Variants in STK33 observed in about 807,000 individuals in gnomAD.
The protein encoded by STK33 is serine/threonine kinase 33.
STK33 carries 52 observed loss-of-function variants against 58.0 expected under a neutral mutation model. That is an observed-to-expected ratio of 0.90 (90% CI 0.72 to 1.13). The LOEUF (loss-of-function observed/expected upper bound fraction) is 1.13. Ranked by LOEUF, STK33 falls within the 50% of genes most tolerant of loss-of-function variation. The probability of loss-of-function intolerance (pLI) is 0.00; values close to 1 mark genes in which losing one functional copy is unlikely to be tolerated. For missense variants in STK33, 630 were observed against 604.2 expected, an observed-to-expected ratio of 1.04 and a Z score of -0.45; for synonymous variants, 215 against 200.1, an observed-to-expected ratio of 1.07 and a Z score of -0.63.
At chr11:8,377,940 A>C in the STK33 span, among the ~76,000 whole-genome samples, 1 of 152,244 alleles carries the variant, frequency 6.6e-6, no homozygotes, top group African/African-American at 2.4e-5. Context: ...AAAACTGCTG[A>C]AAGAAACCAT....
chr11:8,429,063 A>G (rs1247842779), intron 14 of STK33, among the ~76,000 whole-genome samples: 2 of 152,208 alleles, frequency 1.3e-5, no homozygotes, highest in African/African-American at 4.8e-5. Context: ...CTGTGGAAGA[A>G]GTAGAATAGA....
At chr11:8,383,908 TC>T in the STK33 span, among the ~76,000 whole-genome samples, 1 of 152,156 alleles carries the variant, frequency 6.6e-6, no homozygotes, top group Non-Finnish European at 1.5e-5. Flanking sequence ...GGGTCTCTCT[TC>T]ACATCCTTCT....
At chr11:8,400,220 A>G (rs1022449497) in intron 15 of STK33, among the ~76,000 whole-genome samples, 5 of 152,360 alleles carry the variant, frequency 3.3e-5, no homozygotes, top group South Asian at 4.1e-4. Context: ...AAAATCCTCA[A>G]TAAAATACTG....
At chr11:8,506,582 C>T (rs1201622586) in intron 1 of STK33, among the ~76,000 whole-genome samples, 2 of 151,806 alleles carry the variant, frequency 1.3e-5, no homozygotes, top group African/African-American at 2.4e-5. Flanking sequence ...TTTAAGGACT[C>T]GTGTGATTAG....
At chr11:8,418,606 A>G (rs183041730) in intron 14 of STK33, among the ~76,000 whole-genome samples, 1 of 152,288 alleles carries the variant, frequency 6.6e-6, no homozygotes, top group Non-Finnish European at 1.5e-5. Context: ...TATACCCAGT[A>G]ATGGGATTGC....
At chr11:8,448,909 T>C (rs1565013737) in intron 11 of STK33, among the ~76,000 whole-genome samples, 2 of 151,688 alleles carry the variant, frequency 1.3e-5, no homozygotes, top group South Asian at 2.1e-4. Flanking sequence ...ATATCCAGAA[T>C]CTACAATGAA....
the STK33 span, among the ~76,000 whole-genome samples, chr11:8,354,209 G>A: frequency 1.3e-5 from 2 of 152,010 alleles, no homozygotes; most frequent in African/African-American, 2.4e-5. Flanking sequence ...CTCCAGGGAC[G>A]AGGTGGCATC....
intron 1 of STK33, among the ~76,000 whole-genome samples, chr11:8,517,943 C>A (rs551080896): frequency 1.5e-3 from 235 of 152,132 alleles, no homozygotes; most frequent in African/African-American, 5.1e-3. Flanking sequence ...GAGAACTTCC[C>A]CAACCTAGCA....
the STK33 span, among the ~76,000 whole-genome samples, chr11:8,385,841 C>T: frequency 2.0e-5 from 3 of 151,824 alleles, no homozygotes; most frequent in South Asian, 2.1e-4. Context: ...GCGGCGCTAT[C>T]TCCACTCACT....
In STK33 at chr11:8,413,545, C is replaced by T. The variant is rs564944697; in HGVS notation, c.1294G>A (p.Gly432Arg). 10 of 1,614,010 alleles carry T rather than the reference C, an allele frequency of 6.2e-6. No individual in the cohort carries two copies. In the African/African-American group the frequency reaches 1.3e-4, roughly 22 times the overall value. ...GTGTAATTGGCATCAGGGACATTTC[C>T]CCAGGGTTGGTAACTTTTCAACTTT... Reference protein sequence around the residue: ...EEKLKSYQPWGNVPDANYTSD... With the variant: ...EEKLKSYQPWRNVPDANYTSD... Residue 432 changes from glycine to arginine, a missense_variant, in exon 15 of 16, where the codon GGA (glycine) becomes AGA (arginine). Gly to Arg is a moderately radical substitution (Grantham distance 125, BLOSUM62 -2). Coordinates refer to ENST00000687296, the MANE Select transcript of STK33 (RefSeq NM_001352389.2).
chr11:8,336,330 G>A, the STK33 span, among the ~76,000 whole-genome samples: 1 of 152,260 alleles, frequency 6.6e-6, no homozygotes, highest in Non-Finnish European at 1.5e-5. Context: ...AGCCTGCAGT[G>A]GGTGGGACAA....
chr11:8,377,611 T>C, the STK33 span, among the ~76,000 whole-genome samples: 1 of 152,076 alleles, frequency 6.6e-6, no homozygotes, highest in African/African-American at 2.4e-5. Flanking sequence ...GTACTGGAAG[T>C]CCTAGCTAGA....
intron 6 of STK33, among the ~76,000 whole-genome samples, chr11:8,468,155 T>A (rs1253637084): frequency 3.3e-5 from 5 of 152,198 alleles, no homozygotes; most frequent in African/African-American, 1.2e-4. Flanking sequence ...GAGGAGCAAG[T>A]CACATCTTAC....
At chr11:8,521,011 TTTATAATTTA>T (rs1341036204) in intron 1 of STK33, among the ~76,000 whole-genome samples, 4 of 150,106 alleles carry the variant, frequency 2.7e-5, no homozygotes, top group African/African-American at 9.7e-5. Context: ...TATAAGGTAA[TTTATAATTTA>T]TTATATTTAT....
chr11:8,422,180 A>T (rs879453174), intron 14 of STK33, among the ~76,000 whole-genome samples: 1 of 152,140 alleles, frequency 6.6e-6, no homozygotes, highest in Non-Finnish European at 1.5e-5. Context: ...AATCATGAAT[A>T]CATGTTGAGT....
At chr11:8,457,861 G>T (rs1002647565) in intron 8 of STK33, among the ~76,000 whole-genome samples, 1 of 152,128 alleles carries the variant, frequency 6.6e-6, no homozygotes, top group African/African-American at 2.4e-5. Context: ...CAGAGCACAT[G>T]GTATTTACAA....
intron 1 of STK33, among the ~76,000 whole-genome samples, chr11:8,524,082 C>A (rs1028224332): frequency 6.6e-6 from 1 of 152,158 alleles, no homozygotes; most frequent in African/African-American, 2.4e-5. Context: ...AAGGGCGGTG[C>A]AAGATGTGCT....
chr11:8,379,341 A>C, the STK33 span, among the ~76,000 whole-genome samples: 2 of 152,226 alleles, frequency 1.3e-5, no homozygotes, highest in Non-Finnish European at 2.9e-5. Context: ...AGAAATAATC[A>C]TCAGAGTAAA....
chr11:8,443,627 G>A (rs983576376), intron 11 of STK33, among the ~76,000 whole-genome samples: 2 of 150,608 alleles, frequency 1.3e-5, no homozygotes, highest in South Asian at 2.1e-4. Flanking sequence ...GGTACTCAGA[G>A]GAAAATATAC....
Sources: gnomAD v4.1 joint callset for allele counts (sites outside exome capture counted in the v4.1 genomes callset) on GRCh38, gnomAD v4.1.1 for gene constraint, MANE v1.5 for transcripts, NCBI Gene and HGNC (gene_info 2026-07-23, HGNC 2026-07-21) for gene names.